The following PARVA variants were observed in gnomAD, a reference collection of about 807,000 sequenced individuals.
PARVA encodes the protein alpha-parvin.
A neutral mutation model predicts 52.6 loss-of-function variants in PARVA; 25 were observed. The ratio of observed to expected loss-of-function variants is 0.48; its 90% CI spans 0.35 to 0.66. The LOEUF (loss-of-function observed/expected upper bound fraction) is 0.66. PARVA is among the 30% of genes least tolerant of loss of function. The pLI, the probability that PARVA is intolerant of heterozygous loss-of-function variation, is 0.01. For synonymous variants in PARVA, 185 were observed against 179.1 expected, an observed-to-expected ratio of 1.03 and a Z score of -0.26; for missense variants, 373 against 450.9, an observed-to-expected ratio of 0.83 and a Z score of 1.56.
chr11:12,472,433 C>G (rs1384059665), intron 1 of PARVA, among the ~76,000 whole-genome samples: 1 of 152,120 alleles, frequency 6.6e-6, no homozygotes, highest in South Asian at 2.1e-4. Context: ...ATGTGGAGAT[C>G]AAGGTGGTGA....
chr11:12,380,063 G>T (rs1305007437), intron 1 of PARVA, among the ~76,000 whole-genome samples: 2 of 152,172 alleles, frequency 1.3e-5, no homozygotes, highest in Non-Finnish European at 2.9e-5. Context: ...CCTTGCTGAA[G>T]TAGGCTATCC....
chr11:12,490,033 G>A (rs968828347), intron 4 of PARVA, among the ~76,000 whole-genome samples: 1 of 151,748 alleles, frequency 6.6e-6, no homozygotes, highest in African/African-American at 2.4e-5. Flanking sequence ...TGGCTAACAT[G>A]GTGAAACCCC....
chr11:12,454,651 A>G (rs920558233), intron 1 of PARVA, among the ~76,000 whole-genome samples: 2 of 152,030 alleles, frequency 1.3e-5, no homozygotes, highest in African/African-American at 2.4e-5. Context: ...AGTGTAATAC[A>G]CTACCAATGC....
At chr11:12,470,168 C>T (rs1368491728) in intron 1 of PARVA, among the ~76,000 whole-genome samples, 1 of 152,222 alleles carries the variant, frequency 6.6e-6, no homozygotes, top group African/African-American at 2.4e-5. Context: ...TCCTTTGCAT[C>T]CCATTCTCTG....
At chr11:12,420,857 G>A (rs564326888) in intron 1 of PARVA, among the ~76,000 whole-genome samples, 11 of 152,178 alleles carry the variant, frequency 7.2e-5, no homozygotes, top group Admixed American at 2.6e-4. Flanking sequence ...GGCATAACTA[G>A]CATTCAAGTC....
chr11:12,446,913 T>C (rs1940555310), intron 1 of PARVA, among the ~76,000 whole-genome samples: 1 of 152,230 alleles, frequency 6.6e-6, no homozygotes, highest in Non-Finnish European at 1.5e-5. Flanking sequence ...TATAAGTCTA[T>C]AGGTTAAGTC....
At chr11:12,467,266 G>A (rs1238889507) in intron 1 of PARVA, among the ~76,000 whole-genome samples, 1 of 152,176 alleles carries the variant, frequency 6.6e-6, no homozygotes, top group East Asian at 1.9e-4. Context: ...TTAGGGGTGA[G>A]GAGCATTGGT....
chr11:12,513,641 C>G, intron 9 of PARVA: 2 of 620,548 alleles, frequency 3.2e-6, no homozygotes, highest in Non-Finnish European at 2.9e-6. Flanking sequence ...TTCCCTGTCT[C>G]CCTGGCCTAG....
intron 1 of PARVA, among the ~76,000 whole-genome samples, chr11:12,409,633 A>G (rs937104011): frequency 6.6e-6 from 1 of 152,190 alleles, no homozygotes; most frequent in African/African-American, 2.4e-5. Context: ...GCCACAAACC[A>G]AAAAATAGGG....
At chr11:12,513,438 G>A (rs770240047) in intron 9 of PARVA, 78 bp downstream of exon 9, 1 of 1,312,138 alleles carries the variant, frequency 7.6e-7, no homozygotes, top group Non-Finnish European at 1.1e-6. Context: ...CCTGCAGCTT[G>A]CGAGCTTCCT....
Position 12,521,464 on chromosome 11 carries a change from G to A in PARVA, c.1042+2947G>A, listed in dbSNP as rs1332518942. Among the ~76,000 whole-genome samples the A allele has an allele frequency of 3.3e-5, 5 of 152,228 alleles. No individual in the cohort carries two copies. In the East Asian group the frequency reaches 9.6e-4, roughly 29 times the overall value. The stretch of plus-strand genomic sequence containing the variant: ...TTCAGTCCCTATTTAGCCGAAAGTA[G>A]AAAACAGTTTGTTCTCATCTAACAT... On this transcript the variant is annotated intron_variant, in intron 12 of 12. Transcript: ENST00000334956.
chr11:12,425,898 G>A (rs555340513), intron 1 of PARVA, among the ~76,000 whole-genome samples: 2 of 152,266 alleles, frequency 1.3e-5, no homozygotes, highest in Non-Finnish European at 2.9e-5. Context: ...CGTTTTATTC[G>A]CTTTAGTAAA....
intron 12 of PARVA, 40 bp from the exon 13 acceptor site, chr11:12,527,809 G>GC (rs779701605): frequency 4.6e-5 from 68 of 1,473,846 alleles, no homozygotes; most frequent in Middle Eastern, 3.5e-4. Flanking sequence ...GGAACATGTG[G>GC]CCCCATGGAA....
At chr11:12,516,791 A>G (rs1445690007) in intron 10 of PARVA, among the ~76,000 whole-genome samples, 1 of 152,230 alleles carries the variant, frequency 6.6e-6, no homozygotes, top group East Asian at 1.9e-4. Flanking sequence ...TAACTCTGTG[A>G]CATAGATACT....
chr11:12,396,883 GTTCT>G (rs1013697758), intron 1 of PARVA, among the ~76,000 whole-genome samples: 1 of 142,276 alleles, frequency 7.0e-6, no homozygotes, highest in African/African-American at 2.5e-5. Context: ...TGCTTGTTTT[GTTCT>G]TTCTTCCTTT....
chr11:12,453,994 C>T (rs1011832508), intron 1 of PARVA, among the ~76,000 whole-genome samples: 5 of 152,152 alleles, frequency 3.3e-5, no homozygotes, highest in Admixed American at 6.5e-5. Flanking sequence ...AATGTATAAA[C>T]CACAAATCCA....
chr11:12,524,188 T>C (rs1941673269), intron 12 of PARVA, among the ~76,000 whole-genome samples: 2 of 152,220 alleles, frequency 1.3e-5, no homozygotes, highest in Admixed American at 1.3e-4. Flanking sequence ...GCTCTGCTAA[T>C]GGGCAAAGAT....
At chr11:12,498,963 A>T (rs1453740631) in intron 5 of PARVA, among the ~76,000 whole-genome samples, 5 of 152,224 alleles carry the variant, frequency 3.3e-5, no homozygotes, top group Admixed American at 6.5e-5. Context: ...TGTAGTTAAA[A>T]TTTTTGATAG....
Position 12,532,900 on chromosome 11 carries a change from G to A in PARVA, c.*4975G>A, listed in dbSNP as rs1415899840. Among the ~76,000 whole-genome samples, 1 of 152,192 alleles carries A rather than the reference G, an allele frequency of 6.6e-6. No homozygotes were observed. The highest frequency in any genetic ancestry group is 6.5e-5 in the Admixed American group (1 of 15,282). ...CTGATTTTTCTCCTTTGAAAAACAGGTTGCCATCTACCTTTTTAAATGTCC... is the reference window on the plus strand; with the variant it reads ...CTGATTTTTCTCCTTTGAAAAACAGATTGCCATCTACCTTTTTAAATGTCC... On this transcript the variant is annotated 3_prime_UTR_variant, in exon 13 of 13. Transcript: ENST00000334956.
Sources: gnomAD v4.1 joint callset for allele counts (sites outside exome capture counted in the v4.1 genomes callset) on GRCh38, gnomAD v4.1.1 for gene constraint, MANE v1.5 for transcripts, NCBI Gene and HGNC (gene_info 2026-07-23, HGNC 2026-07-21) for gene names.